Variants in MAP3K20 observed in about 807,000 individuals in gnomAD.
MAP3K20 encodes mitogen-activated protein kinase kinase kinase 20, also known as HCCS-4.
In MAP3K20, 40 loss-of-function variants were observed where a neutral mutation model predicts 85.7. The observed-to-expected ratio is 0.47, with a 90% CI of 0.36 to 0.61. The LOEUF (loss-of-function observed/expected upper bound fraction) is 0.61. Ranked by LOEUF, MAP3K20 falls within the 20% of genes least tolerant of loss-of-function variation. The pLI is 0.00. For missense variants in MAP3K20, 817 were observed against 961.7 expected, an observed-to-expected ratio of 0.85 and a Z score of 1.99; for synonymous variants, 325 against 327.7, an observed-to-expected ratio of 0.99 and a Z score of 0.09.
chr2:173,195,337 C>G (rs550534095), intron 7 of MAP3K20, among the ~76,000 whole-genome samples: 1 of 152,188 alleles, frequency 6.6e-6, no homozygotes, highest in South Asian at 2.1e-4. Context: ...TGTTCCAGAA[C>G]AAGCTGGGCT....
At chr2:173,223,159 T>C (rs1684296780) in intron 11 of MAP3K20, 2 of 985,302 alleles carry the variant, frequency 2.0e-6, no homozygotes, top group South Asian at 4.7e-5. Flanking sequence ...CCAGCTTCAT[T>C]TGGGGAGAAA....
chr2:173,232,404 AAG>A lies in MAP3K20; in HGVS notation c.1150_1151del (p.Glu384ArgfsTer21). On this transcript the variant is annotated frameshift_variant, in exon 14 of 20. Coordinates refer to ENST00000375213, the MANE Select transcript of MAP3K20 (RefSeq NM_016653.3). LOFTEE classifies it high-confidence loss of function. Reference sequence around the variant, plus strand: ...GGGAAGCGGCTGCTGCTGCTGGAGGAAGAAGACCTGAAAGACATGGGCATTGT... The same window carrying A: ...GGGAAGCGGCTGCTGCTGCTGGAGGAAAGACCTGAAAGACATGGGCATTGT... The A allele has an allele frequency of 6.2e-7, 1 of 1,614,228 alleles. No individual in the cohort carries two copies. The highest frequency in any genetic ancestry group is 8.5e-7 in the Non-Finnish European group (1 of 1,180,048).
chr2:173,191,562 A>C (rs189475089), intron 7 of MAP3K20, among the ~76,000 whole-genome samples: 1 of 152,326 alleles, frequency 6.6e-6, no homozygotes, highest in East Asian at 1.9e-4. Flanking sequence ...TGGATTGCTT[A>C]AACAGTATAA....
intron 11 of MAP3K20, chr2:173,223,572 G>A (rs1684307776): frequency 2.0e-6 from 2 of 985,288 alleles, no homozygotes; most frequent in Non-Finnish European, 2.4e-6. Context: ...TAGCTTTCAG[G>A]AAAGATAAAG....
intron 2 of MAP3K20, among the ~76,000 whole-genome samples, chr2:173,128,054 A>G (rs773129504): frequency 5.9e-5 from 9 of 152,114 alleles, no homozygotes; most frequent in Non-Finnish European, 1.3e-4. Flanking sequence ...TTTTTCTCAT[A>G]TCTCATACCA....
intron 9 of MAP3K20, among the ~76,000 whole-genome samples, chr2:173,209,108 G>A (rs1683789094): frequency 1.3e-5 from 2 of 152,102 alleles, no homozygotes; most frequent in African/African-American, 2.4e-5. Context: ...TAGGTTCAGG[G>A]GCACATGGCC....
At chr2:173,089,449 C>T (rs893133098) in intron 1 of MAP3K20, among the ~76,000 whole-genome samples, 1 of 152,076 alleles carries the variant, frequency 6.6e-6, no homozygotes, top group Non-Finnish European at 1.5e-5. Flanking sequence ...AGCAAAAATA[C>T]CATTATTTGC....
chr2:173,251,128 G>A (rs919435687), intron 16 of MAP3K20, among the ~76,000 whole-genome samples: 4 of 152,102 alleles, frequency 2.6e-5, no homozygotes, highest in Non-Finnish European at 4.4e-5. Flanking sequence ...AATTTTTATC[G>A]TATTCTTATT....
chr2:173,173,290 C>T (rs1438120282), intron 3 of MAP3K20, among the ~76,000 whole-genome samples: 2 of 151,780 alleles, frequency 1.3e-5, no homozygotes, highest in East Asian at 3.9e-4. Flanking sequence ...TCTTTTGTAG[C>T]AAGCCAGATT....
In MAP3K20 at chr2:173,232,460, G is replaced by A. The variant is rs781331435; in HGVS notation, c.1203+1G>A. 6.2e-7 allele frequency: 1 copy of A among 1,610,756 alleles called. No homozygotes were observed. On this transcript the variant is annotated splice_donor_variant, in intron 14 of 19. Coordinates refer to ENST00000375213, the MANE Select transcript of MAP3K20 (RefSeq NM_016653.3). LOFTEE classifies it high-confidence loss of function. ...CAAGGGGCATATCATTCACTTCAAG[G>A]TACCTGAGAAAGGGACAACATTCCA... is the stretch of plus-strand genomic sequence containing the variant.
At chr2:173,217,007 T>G in intron 10 of MAP3K20, 108 bp from the exon 11 acceptor site, 1 of 1,146,926 alleles carries the variant, frequency 8.7e-7, no homozygotes, top group Non-Finnish European at 1.1e-6. Context: ...TGGTTGATTT[T>G]AAAGCACCAG....
intron 16 of MAP3K20, among the ~76,000 whole-genome samples, chr2:173,256,546 C>CAGAT (rs1313731533): frequency 2.2e-4 from 33 of 151,902 alleles, no homozygotes; most frequent in African/African-American, 7.5e-4. Context: ...GACAGACAGA[C>CAGAT]AGATAGAGAG....
chr2:173,181,693 G>C (rs1391606986), intron 3 of MAP3K20, among the ~76,000 whole-genome samples: 3 of 152,116 alleles, frequency 2.0e-5, no homozygotes, highest in African/African-American at 7.2e-5. Flanking sequence ...CAACAGAATA[G>C]TATTCGGCAA....
intron 2 of MAP3K20, among the ~76,000 whole-genome samples, chr2:173,095,228 C>T (rs910671433): frequency 2.0e-5 from 3 of 152,052 alleles, no homozygotes; most frequent in African/African-American, 4.8e-5. Context: ...TTTGGTATGT[C>T]GCTGTCATTT....
chr2:173,234,502 C>T (rs112239302), intron 14 of MAP3K20, among the ~76,000 whole-genome samples: 10 of 152,278 alleles, frequency 6.6e-5, no homozygotes, highest in African/African-American at 1.9e-4. Context: ...ATTCATTACC[C>T]GGACTTGGGA....
chr2:173,258,407 T>C (rs1039335398), intron 16 of MAP3K20, among the ~76,000 whole-genome samples: 8 of 152,216 alleles, frequency 5.3e-5, no homozygotes, highest in Admixed American at 2.0e-4. Context: ...ATAAGGAAAC[T>C]GCCTGGTTTT....
chr2:173,101,226 G>C (rs576148576), intron 2 of MAP3K20, among the ~76,000 whole-genome samples: 3 of 152,188 alleles, frequency 2.0e-5, no homozygotes, highest in African/African-American at 7.2e-5. Flanking sequence ...ATTTTTTTTA[G>C]ATGATTAGTG....
chr2:173,235,607 A>G (rs1231112425), intron 14 of MAP3K20, among the ~76,000 whole-genome samples: 1 of 152,184 alleles, frequency 6.6e-6, no homozygotes, highest in Non-Finnish European at 1.5e-5. Flanking sequence ...GCCTAATGGG[A>G]GTAGAGCCCC....
chr2:173,078,354 G>C (rs1035386977), intron 1 of MAP3K20, among the ~76,000 whole-genome samples: 1 of 152,198 alleles, frequency 6.6e-6, no homozygotes, highest in African/African-American at 2.4e-5. Context: ...CAGATTGACA[G>C]GGTGAGTATC....
Sources: gnomAD v4.1 joint callset for allele counts (sites outside exome capture counted in the v4.1 genomes callset) on GRCh38, gnomAD v4.1.1 for gene constraint, MANE v1.5 for transcripts, NCBI Gene and HGNC (gene_info 2026-07-23, HGNC 2026-07-21) for gene names.